IFNGR1: variants seen among roughly 807,000 people sequenced by gnomAD.
IFNGR1 encodes AVP, type 2.
In IFNGR1, 23 loss-of-function variants were observed where a neutral mutation model predicts 35.4. The ratio of observed to expected loss-of-function variants is 0.65; its 90% CI spans 0.47 to 0.92. IFNGR1 has a LOEUF of 0.92. IFNGR1 is among the 40% of genes least tolerant of loss of function. IFNGR1 has a pLI of 0.00. For synonymous variants in IFNGR1, 199 were observed against 209.5 expected (o/e 0.95, Z 0.43); for missense variants, 533 against 583.4 (o/e 0.91, Z 0.89).
rs189012591 is a variant in IFNGR1 at position 137,204,543 on chromosome 6, C to T, written c.374-39G>A. 1,128 of 1,465,796 alleles carry T rather than the reference C, an allele frequency of 7.7e-4. 6 individuals are homozygous for T. Among genetic ancestry groups the T allele is most frequent in the Non-Finnish European group, 5.1e-5 (53 of 1,045,264 alleles). 90.8% of individuals were successfully genotyped at this position (1,465,796 alleles called of 1,614,324 possible). On this transcript the variant is annotated intron_variant, in intron 3 of 6. Transcript: ENST00000367739. ...AGGAGGAAGTATAATAAATACTGGC[C>T]TTGGAACTAAATGGTACATTTCATA...
At position 137,219,233 on chromosome 6, in the gene IFNGR1, A is replaced by G. The variant is rs7749390; in HGVS notation, c.85+10T>C. 0.41 allele frequency: 656,465 copies of G among 1,602,902 alleles called. 138,242 individuals are homozygous for G. The highest frequency in any genetic ancestry group is 0.61 in the South Asian group (54,045 of 89,198). ...CGACCCGGCCGCAGCCCTGCCGCGAACGACGGTACCTGAGGACGGCCCCAG... is the reference window on the plus strand; with the variant it reads ...CGACCCGGCCGCAGCCCTGCCGCGAGCGACGGTACCTGAGGACGGCCCCAG... On this transcript the variant is annotated intron_variant, in intron 1 of 6. Transcript: ENST00000367739.
rs547390425 is a variant in IFNGR1, at chr6:137,201,780, C to T, written c.734-772G>A. On this transcript the variant is annotated intron_variant, in intron 5 of 6. Coordinates refer to ENST00000367739, the MANE Select transcript of IFNGR1 (RefSeq NM_000416.3). ...AGAATTTCCTGTTACATTTATTTCA[C>T]GACTGCAAATACTTATAAAGCTTCA... Among the ~76,000 whole-genome samples, 89 of 152,240 alleles carry T rather than the reference C, an allele frequency of 5.8e-4. 3 individuals are homozygous for T. Among genetic ancestry groups the T allele is most frequent in the African/African-American group, 5.5e-4 (23 of 41,552 alleles).
At chr6:137,218,323 C>T (rs1430935626) in intron 1 of IFNGR1, 1 of 446,574 alleles carries the variant, frequency 2.2e-6, no homozygotes, top group African/African-American at 2.0e-5. Flanking sequence ...ACTGTTTTCT[C>T]TGGAGCTCGT....
intron 1 of IFNGR1, chr6:137,218,300 A>C (rs1175334516): frequency 5.0e-6 from 2 of 402,480 alleles, no homozygotes; most frequent in Admixed American, 6.4e-5. Flanking sequence ...AGAAAACTGA[A>C]TTGAAAAGGT....
rs748947618 is a variant in IFNGR1 at position 137,198,452 on chromosome 6, G to A, written c.1049C>T (p.Ser350Phe). The part of the protein sequence containing the change: ...PGKVEHTEEL[S>F]SITEVVTTEE... The stretch of plus-strand genomic sequence containing the variant: ...AGTAGTCACCACTTCTGTTATACTA[G>A]AAAGTTCTTCTGTATGTTCCACTTT... The change falls in exon 7 of 7, where the codon TCT becomes TTT. Residue 350 changes from serine to phenylalanine, a missense_variant. Transcript: ENST00000367739. 1.9e-6 allele frequency: 3 copies of A among 1,614,016 alleles called. No homozygotes were observed. Among genetic ancestry groups the A allele is most frequent in the Non-Finnish European group, 2.5e-6 (3 of 1,180,026 alleles).
Position 137,206,282 on chromosome 6 carries a change from G to A in IFNGR1, c.227C>T (p.Ala76Val), listed in dbSNP as rs761991376. The change falls in exon 3 of 7, where the codon GCC (alanine) becomes GTC (valine). Residue 76 changes from alanine (A) to valine (V), a missense_variant. Ala to Val is a moderately conservative substitution (Grantham distance 64). Transcript: ENST00000367739. ...ATAATGATGAGAAATATTGATGCAGGCATCAATCCATTCTGAATTCTTAAC... is the reference window on the plus strand; with the variant it reads ...ATAATGATGAGAAATATTGATGCAGACATCAATCCATTCTGAATTCTTAAC... The part of the protein sequence containing the change: ...YGVKNSEWID[A>V]CINISHHYCN... The A allele has an allele frequency of 5.0e-6, 8 of 1,607,036 alleles. No homozygotes were observed. The highest frequency in any genetic ancestry group is 6.8e-6 in the Non-Finnish European group (8 of 1,173,630).
Position 137,210,693 on chromosome 6 carries a change from A to G in IFNGR1, c.86-3616T>C, listed in dbSNP as rs1415560091. On this transcript the variant is annotated intron_variant, in intron 1 of 6. Transcript: ENST00000367739. ...AGCAGACTGCTTAAATAAGAAAAAT[A>G]CTCCCTAGGTCAAACATTAATAAAT... Among the ~76,000 whole-genome samples the G allele has an allele frequency of 2.0e-5, 3 of 152,226 alleles. No homozygotes were observed. The East Asian group carries it at 5.8e-4, about 29-fold the overall frequency.
intron 6 of IFNGR1, among the ~76,000 whole-genome samples, 162 bp from the exon 7 acceptor site, chr6:137,198,801 T>C (rs185009984): frequency 1.4e-4 from 21 of 152,314 alleles, no homozygotes; most frequent in African/African-American, 5.1e-4. Flanking sequence ...CCCATAGTAA[T>C]ATTAAAAACA....
At chr6:137,209,724 T>C (rs1779531238) in intron 1 of IFNGR1, 6 of 398,224 alleles carry the variant, frequency 1.5e-5, no homozygotes, top group Non-Finnish European at 2.7e-5. Flanking sequence ...CTAATACAAA[T>C]GTCTACAGAG....
At chr6:137,204,809 A>G (rs1025399958) in intron 3 of IFNGR1, among the ~76,000 whole-genome samples, 3 of 152,238 alleles carry the variant, frequency 2.0e-5, no homozygotes, top group Non-Finnish European at 4.4e-5. Flanking sequence ...AAGACTTCAC[A>G]TAATATAGAC....
chr6:137,214,814 G>C (rs1197095032), intron 1 of IFNGR1, among the ~76,000 whole-genome samples: 1 of 152,150 alleles, frequency 6.6e-6, no homozygotes, highest in Non-Finnish European at 1.5e-5. Flanking sequence ...AAACAATGCA[G>C]GCCTTTCCAG....
chr6:137,199,863 T>C (rs1009245207), intron 6 of IFNGR1, among the ~76,000 whole-genome samples: 1 of 151,720 alleles, frequency 6.6e-6, no homozygotes, highest in African/African-American at 2.4e-5. Context: ...ATGTTAAATA[T>C]CCTGTACATC....
chr6:137,209,875 C>T (rs17181702), intron 1 of IFNGR1: 235 of 398,702 alleles, frequency 5.9e-4, no homozygotes, highest in African/African-American at 4.5e-3. Flanking sequence ...TGGAGCCACA[C>T]ATTCCAGTTT....
At position 137,203,652 on chromosome 6, in the gene IFNGR1, C is replaced by G; in HGVS notation, c.580G>C (p.Asp194His). ...AACTGGCACTGAATCTCGTCACAAT[C>G]ATCTTCCTTCTGCGTGAGTATTTTA... ...QYKILTQKEDDCDEIQCQLAI... is the reference protein window; with the variant it reads ...QYKILTQKEDHCDEIQCQLAI... The change falls in exon 5 of 7, where the codon GAT (aspartate) becomes CAT (histidine). Residue 194 changes from aspartate (D) to histidine (H), a missense_variant. Physicochemically the swap from Asp to His is moderately conservative, Grantham distance 81 (BLOSUM62 -1). Transcript: ENST00000367739. 1 of 1,612,982 alleles carries G rather than the reference C, an allele frequency of 6.2e-7. No homozygotes were observed. The highest frequency in any genetic ancestry group is 8.5e-7 in the Non-Finnish European group (1 of 1,179,394).
At position 137,198,350 on chromosome 6, in the gene IFNGR1, C is replaced by G; in HGVS notation, c.1151G>C (p.Ser384Thr). ...GATGCTGCCAGGTTCAGACTGGTTA[C>G]TACTTAAAGGTGAAGAACTCTCTCT... Reference protein sequence around the residue: ...IERESSSPLSSNQSEPGSIAL... With the variant: ...IERESSSPLSTNQSEPGSIAL... Residue 384 changes from serine (S) to threonine (T), a missense_variant, in exon 7 of 7, where the codon AGT (serine) becomes ACT (threonine). Ser to Thr is a moderately conservative substitution (Grantham distance 58, BLOSUM62 1). Coordinates refer to ENST00000367739, the MANE Select transcript of IFNGR1 (RefSeq NM_000416.3). 6.2e-7 allele frequency: 1 copy of G among 1,613,932 alleles called. No homozygotes were observed.
chr6:137,205,480 A>C (rs1454923215), intron 3 of IFNGR1, among the ~76,000 whole-genome samples: 3 of 152,226 alleles, frequency 2.0e-5, no homozygotes, highest in Non-Finnish European at 4.4e-5. Context: ...TGGAAGACTG[A>C]AGACCTGAAA....
chr6:137,218,954 A>C, intron 1 of IFNGR1: 1 of 515,688 alleles, frequency 1.9e-6, no homozygotes, highest in Non-Finnish European at 3.5e-6. Context: ...GTCCTTCTGC[A>C]GCGCATAATC....
rs146367684 is a variant in IFNGR1 at position 137,216,816 on chromosome 6, G to C, written c.85+2427C>G. Reference sequence around the variant, plus strand: ...TGAAACTAATGAAAAGCAAGGCCGGGGTGCTTGTCTCTTCTAGGGGAGTCA... The same window carrying C: ...TGAAACTAATGAAAAGCAAGGCCGGCGTGCTTGTCTCTTCTAGGGGAGTCA... On this transcript the variant is annotated intron_variant, in intron 1 of 6. Coordinates refer to ENST00000367739, the MANE Select transcript of IFNGR1 (RefSeq NM_000416.3). Among the ~76,000 whole-genome samples the C allele has an allele frequency of 9.2e-5, 14 of 152,298 alleles. No individual in the cohort carries two copies. The East Asian group carries it at 2.7e-3, about 29-fold the overall frequency.
intron 2 of IFNGR1, chr6:137,206,554 AT>A (rs1562286896): frequency 2.3e-6 from 1 of 438,806 alleles, no homozygotes; most frequent in Non-Finnish European, 4.0e-6. Flanking sequence ...TCCACATTCA[AT>A]TTTTTAAAAA....
Sources: allele counts gnomAD v4.1 joint callset (sites outside exome capture counted in the v4.1 genomes callset), GRCh38; gene constraint gnomAD v4.1.1; transcripts MANE v1.5; gene names NCBI Gene and HGNC (gene_info 2026-07-23, HGNC 2026-07-21).